Variants in FAM78B observed in about 807,000 individuals in gnomAD.
The protein encoded by FAM78B is protein FAM78B.
FAM78B carries 10 observed loss-of-function variants against 20.0 expected under a neutral mutation model. The observed-to-expected ratio is 0.50, with a 90% confidence interval of 0.31 to 0.85. The LOEUF is 0.85. Among genes scored for constraint, FAM78B ranks in the 40% least tolerant of loss-of-function variants. The pLI is 0.05. For synonymous variants in FAM78B, 135 were observed against 132.8 expected (o/e 1.02, Z -0.12); for missense variants, 283 against 345.0 (o/e 0.82, Z 1.42).
At chr1:166,103,481 G>A (rs115275394) in intron 1 of FAM78B, among the ~76,000 whole-genome samples, 14,388 of 151,878 alleles carry the variant, frequency 0.095, 966 homozygotes, top group Middle Eastern at 0.14. Context: ...AGAAGAGAGA[G>A]GAGAATCAAA....
At chr1:166,064,008 T>C (rs1651708397) in intron 2 of FAM78B, among the ~76,000 whole-genome samples, 1 of 152,086 alleles carries the variant, frequency 6.6e-6, no homozygotes, top group Non-Finnish European at 1.5e-5. Flanking sequence ...TAGGTTCTCT[T>C]AGGGGCCATT....
intron 1 of FAM78B, chr1:166,164,768 T>C (rs1388583983): frequency 6.6e-6 from 1 of 152,174 alleles, no homozygotes; most frequent in Non-Finnish European, 1.5e-5. Flanking sequence ...CCCCACCCCA[T>C]ATCCATATTA....
At chr1:166,140,846 A>G (rs1035976889) in intron 1 of FAM78B, among the ~76,000 whole-genome samples, 3 of 152,178 alleles carry the variant, frequency 2.0e-5, no homozygotes, top group Non-Finnish European at 2.9e-5. Flanking sequence ...GGTTTTCCAT[A>G]ATTCTGGGGC....
intron 1 of FAM78B, among the ~76,000 whole-genome samples, chr1:166,094,027 G>C (rs564872117): frequency 6.7e-6 from 1 of 150,082 alleles, no homozygotes; most frequent in Non-Finnish European, 1.5e-5. Context: ...GTGTGTGTGT[G>C]TGTGTGTGTG....
intron 1 of FAM78B, among the ~76,000 whole-genome samples, chr1:166,123,053 A>G (rs563861249): frequency 8.5e-5 from 13 of 152,238 alleles, no homozygotes; most frequent in Non-Finnish European, 1.6e-4. Context: ...AATACATTTA[A>G]AAGAAATTCC....
intron 1 of FAM78B, among the ~76,000 whole-genome samples, chr1:166,161,860 T>A (rs1169715010): frequency 6.6e-6 from 1 of 152,204 alleles, no homozygotes; most frequent in Admixed American, 6.5e-5. Flanking sequence ...AAGCTTGAGA[T>A]GTCTTTCATT....
In FAM78B at chr1:166,101,404, A is replaced by C. The variant is rs896299046; in HGVS notation, c.264-30641T>G. ...TCAAACTTCTCCGAGCTAAAGGAGG[A>C]AGTTTGAACCCATGGTGAGGAAGTT... On this transcript the variant is annotated intron_variant, in intron 1 of 1. Coordinates refer to ENST00000354422, the MANE Select transcript of FAM78B (RefSeq NM_001017961.5). Among the ~76,000 whole-genome samples, 5 of 152,342 alleles carry C rather than the reference A, an allele frequency of 3.3e-5. No individual in the cohort carries two copies. The South Asian group carries it at 1.0e-3, about 32-fold the overall frequency.
chr1:166,077,985 T>C (rs1470318749), intron 1 of FAM78B, among the ~76,000 whole-genome samples: 2 of 71,770 alleles, frequency 2.8e-5, no homozygotes, highest in Non-Finnish European at 5.2e-5. Context: ...ATATATATAA[T>C]TTATATATAT....
chr1:166,121,911 T>A (rs927532366), intron 1 of FAM78B, among the ~76,000 whole-genome samples: 3 of 152,124 alleles, frequency 2.0e-5, no homozygotes, highest in Non-Finnish European at 2.9e-5. Context: ...ACATACTGGC[T>A]TACAGGGCAG....
At chr1:166,157,025 G>T (rs1249262401) in intron 1 of FAM78B, among the ~76,000 whole-genome samples, 1 of 23,510 alleles carries the variant, frequency 4.3e-5, no homozygotes, top group Non-Finnish European at 2.4e-4. Context: ...ATGACGTCAA[G>T]GGGGCGGCGG....
At chr1:166,114,025 A>G (rs1024367529) in intron 1 of FAM78B, among the ~76,000 whole-genome samples, 1 of 152,242 alleles carries the variant, frequency 6.6e-6, no homozygotes, top group African/African-American at 2.4e-5. Flanking sequence ...CCTGTTAGAC[A>G]TGCAAATCCT....
chr1:166,111,644 A>G (rs1007564771), intron 1 of FAM78B, among the ~76,000 whole-genome samples: 15 of 152,338 alleles, frequency 9.8e-5, no homozygotes, highest in African/African-American at 3.6e-4. Flanking sequence ...GTCAAAGTCT[A>G]CGTCTTTATA....
intron 1 of FAM78B, among the ~76,000 whole-genome samples, chr1:166,104,250 T>C (rs1329814744): frequency 4.6e-5 from 7 of 151,862 alleles, no homozygotes; most frequent in East Asian, 1.9e-4. Context: ...CAATATCATA[T>C]TGAATGGGCA....
intron 1 of FAM78B, among the ~76,000 whole-genome samples, chr1:166,093,750 CT>C (rs879694948): frequency 4.2e-3 from 595 of 143,238 alleles, no homozygotes; most frequent in Admixed American, 4.2e-3. Context: ...ATGGGAAACA[CT>C]TTTTTTTTTT....
chr1:166,101,688 T>C (rs551035346), intron 1 of FAM78B, among the ~76,000 whole-genome samples: 380 of 152,244 alleles, frequency 2.5e-3, no homozygotes, highest in Non-Finnish European at 4.3e-3. Flanking sequence ...GAACAAAGCC[T>C]CCAAGAAATA....
At chr1:166,129,876 T>C (rs776987631) in intron 1 of FAM78B, among the ~76,000 whole-genome samples, 3 of 152,208 alleles carry the variant, frequency 2.0e-5, no homozygotes, top group Admixed American at 6.5e-5. Context: ...CCATGCCATG[T>C]CACTGCTAAA....
At chr1:166,159,046 G>A (rs1420328578) in intron 1 of FAM78B, among the ~76,000 whole-genome samples, 1 of 152,250 alleles carries the variant, frequency 6.6e-6, no homozygotes, top group African/African-American at 2.4e-5. Context: ...GTGGTCCAGG[G>A]AAGGAAGCTG....
intron 1 of FAM78B, among the ~76,000 whole-genome samples, chr1:166,091,060 G>A (rs1414084501): frequency 6.6e-6 from 1 of 152,208 alleles, no homozygotes; most frequent in Non-Finnish European, 1.5e-5. Flanking sequence ...CTCCTGAGCA[G>A]CATCCTGGGT....
intron 1 of FAM78B, among the ~76,000 whole-genome samples, chr1:166,100,142 A>T (rs1407546323): frequency 6.6e-6 from 1 of 152,228 alleles, no homozygotes; most frequent in African/African-American, 2.4e-5. Flanking sequence ...GAAATTAAAT[A>T]ACCTGGTCCT....
Sources: allele counts gnomAD v4.1 joint callset (sites outside exome capture counted in the v4.1 genomes callset), GRCh38; gene constraint gnomAD v4.1.1; transcripts MANE v1.5; gene names NCBI Gene and HGNC (gene_info 2026-07-23, HGNC 2026-07-21).